PIN4: variants seen among roughly 807,000 people sequenced by gnomAD.
The protein encoded by PIN4 is peptidyl-prolyl cis-trans isomerase NIMA-interacting 4.
In PIN4, 3 loss-of-function variants were observed where a neutral mutation model predicts 8.3. That is an observed-to-expected ratio of 0.36 (90% confidence interval 0.16 to 0.93). PIN4 has a LOEUF of 0.93. PIN4 is among the 40% of genes least tolerant of loss of function. The pLI, the probability that PIN4 is intolerant of heterozygous loss-of-function variation, is 0.44. For missense variants in PIN4, 75 were observed against 100.6 expected (o/e 0.75, Z 1.09); for synonymous variants, 18 against 32.5 (o/e 0.55, Z 1.52).
chrX:72,196,567 A>G (rs1320687588), intron 2 of PIN4, among the ~76,000 whole-genome samples: 3 of 109,478 alleles, frequency 2.7e-5, no homozygotes, highest in Non-Finnish European at 3.8e-5. Flanking sequence ...TCCCACAGCC[A>G]GGTGCCTATT....
chrX:72,219,071 C>T (rs1391141540), intron 3 of PIN4, among the ~76,000 whole-genome samples: 2 of 111,630 alleles, frequency 1.8e-5, no homozygotes, highest in Non-Finnish European at 3.8e-5. Context: ...GCCTGGCCAA[C>T]GCAGTGAAAC....
chrX:72,223,112 G>A (rs755325959), intron 3 of PIN4, among the ~76,000 whole-genome samples: 28 of 100,644 alleles, frequency 2.8e-4, no homozygotes, highest in Middle Eastern at 5.4e-3. Flanking sequence ...CGAGGCAGGC[G>A]GATCACGAGG....
chrX:72,208,608 A>G lies in PIN4; in HGVS notation c.312+11704A>G, dbSNP rs368590575. 5.8e-6 allele frequency: 7 copies of G among 1,209,547 alleles called. No individual in the cohort carries two copies. In the Admixed American group the frequency reaches 8.8e-5, roughly 15 times the overall value. On this transcript the variant is annotated intron_variant, in intron 3 of 3. Transcript: ENST00000423432. ...TTTGGATTCTGCTCAGCACTTTTTCATTGGGAAAAATGTCCTTTGCCAAAT... is the reference window on the plus strand; with the variant it reads ...TTTGGATTCTGCTCAGCACTTTTTCGTTGGGAAAAATGTCCTTTGCCAAAT...
At chrX:72,243,941 T>G (rs980907626) in intron 3 of PIN4, among the ~76,000 whole-genome samples, 1 of 112,668 alleles carries the variant, frequency 8.9e-6, no homozygotes, top group African/African-American at 3.2e-5. Context: ...TTGTGAATGG[T>G]GAAGCAGAAT....
intron 3 of PIN4, among the ~76,000 whole-genome samples, chrX:72,214,210 G>A (rs763573269): frequency 1.5e-3 from 168 of 111,485 alleles, no homozygotes; most frequent in African/African-American, 5.2e-3. Context: ...AATTAAGGTG[G>A]GGATCATTTT....
chrX:72,221,433 G>A (rs867757059), intron 3 of PIN4, among the ~76,000 whole-genome samples: 1 of 110,797 alleles, frequency 9.0e-6, no homozygotes, highest in African/African-American at 3.3e-5. Flanking sequence ...GAAAGAGGAC[G>A]CCGGGTCTCT....
intron 3 of PIN4, among the ~76,000 whole-genome samples, chrX:72,209,730 C>G (rs2042841595): frequency 8.9e-6 from 1 of 111,737 alleles, no homozygotes; most frequent in Non-Finnish European, 1.9e-5. Context: ...AATACACACT[C>G]TATATAGCAG....
intron 3 of PIN4, among the ~76,000 whole-genome samples, chrX:72,235,388 ACTT>A (rs2043010607): frequency 1.7e-5 from 1 of 57,882 alleles, no homozygotes; most frequent in East Asian, 1.0e-3. Context: ...TCCCTCTTCC[ACTT>A]TTTTTTTTTT....
chrX:72,211,769 G>A (rs1166923157), intron 3 of PIN4, among the ~76,000 whole-genome samples: 1 of 108,893 alleles, frequency 9.2e-6, no homozygotes, highest in Non-Finnish European at 1.9e-5. Context: ...GGGTGACAGA[G>A]CAAGACCCGT....
intron 3 of PIN4, among the ~76,000 whole-genome samples, chrX:72,262,061 G>A (rs1441154562): frequency 6.3e-5 from 7 of 111,021 alleles, no homozygotes; most frequent in African/African-American, 2.3e-4. Flanking sequence ...CTCCCCCCAA[G>A]ACCTGTATAG....
chrX:72,237,603 GA>G (rs60931189), intron 3 of PIN4, among the ~76,000 whole-genome samples: 22 of 90,956 alleles, frequency 2.4e-4, no homozygotes, highest in South Asian at 5.5e-4. Flanking sequence ...ATCAAAAAAA[GA>G]AAAAAAAAAA....
intron 3 of PIN4, chrX:72,208,365 A>G: frequency 8.3e-7 from 1 of 1,211,920 alleles, no homozygotes; most frequent in Non-Finnish European, 1.1e-6. Flanking sequence ...CGGAAAGGAA[A>G]GCAATGATTT....
intron 3 of PIN4, among the ~76,000 whole-genome samples, chrX:72,245,116 T>C (rs2043063297): frequency 1.1e-5 from 1 of 94,439 alleles, no homozygotes. Flanking sequence ...CGAGAGTGGG[T>C]TTGGGGCAGG....
intron 2 of PIN4, among the ~76,000 whole-genome samples, chrX:72,191,532 CAG>C (rs753502375): frequency 8.8e-5 from 9 of 102,567 alleles, no homozygotes; most frequent in Admixed American, 8.4e-4. Context: ...GCCTGGGCGA[CAG>C]AGTGAGACTC....
chrX:72,237,857 G>A (rs1447260941), intron 3 of PIN4: 1 of 112,075 alleles, frequency 8.9e-6, no homozygotes, highest in East Asian at 2.8e-4. Context: ...TAGGGAGGCT[G>A]GGGCAGGAGG....
At chrX:72,193,788 G>A (rs901856461) in intron 2 of PIN4, among the ~76,000 whole-genome samples, 2 of 108,796 alleles carry the variant, frequency 1.8e-5, no homozygotes, top group East Asian at 2.9e-4. Flanking sequence ...CACAAGAATC[G>A]CTTGAACCTG....
downstream of PIN4, among the ~76,000 whole-genome samples, chrX:72,202,195 T>G (rs1215424256): frequency 8.9e-6 from 1 of 112,536 alleles, no homozygotes; most frequent in Non-Finnish European, 1.9e-5. Flanking sequence ...AAGATAAAAC[T>G]TTTTTTCCTA....
At position 72,197,485 on chromosome X, in the gene PIN4, A is replaced by G. The variant is rs751700739; in HGVS notation, c.355A>G (p.Lys119Glu). The change falls in exon 4 of 4, where the codon AAA (lysine) becomes GAA (glutamate). Residue 119 changes from lysine to glutamate, a missense_variant. Physicochemically the swap from Lys to Glu is moderately conservative, Grantham distance 56. Transcript: ENST00000373669. ...PVFTDPPVKT[K>E]FGYHIIMVEG... ...GTTTACAGACCCACCGGTTAAGACA[A>G]AATTTGGATATCATATTATTATGGT... 2 of 1,207,040 alleles carry G rather than the reference A, an allele frequency of 1.7e-6. No individual in the cohort carries two copies. Among genetic ancestry groups the G allele is most frequent in the South Asian group, 1.8e-5 (1 of 56,710 alleles).
At chrX:72,187,308 A>G (rs2042708585) in intron 2 of PIN4, among the ~76,000 whole-genome samples, 1 of 111,956 alleles carries the variant, frequency 8.9e-6, no homozygotes, top group Admixed American at 9.5e-5. Flanking sequence ...ACCTAGCCCC[A>G]GAGGAGTATC....
Sources: gnomAD v4.1 joint callset for allele counts (sites outside exome capture counted in the v4.1 genomes callset) on GRCh38, gnomAD v4.1.1 for gene constraint, MANE v1.5 for transcripts, NCBI Gene and HGNC (gene_info 2026-07-23, HGNC 2026-07-21) for gene names.